Variants in PDCD6IP observed in about 807,000 individuals in gnomAD.
PDCD6IP encodes programmed cell death 6 interacting protein.
PDCD6IP carries 43 observed loss-of-function variants against 103.7 expected under a neutral mutation model. The ratio of observed to expected loss-of-function variants is 0.41; its 90% CI spans 0.32 to 0.53. PDCD6IP has a LOEUF of 0.53. Ranked by LOEUF, PDCD6IP falls within the 20% of genes least tolerant of loss-of-function variation. PDCD6IP has a pLI of 0.16. For missense variants in PDCD6IP, 871 were observed against 1,036.7 expected (o/e 0.84, Z 2.20); for synonymous variants, 354 against 378.7 (o/e 0.93, Z 0.76).
chr3:33,835,945 ATT>A, intron 7 of PDCD6IP, 97 bp from the exon 8 acceptor site: 2 of 658,582 alleles, frequency 3.0e-6, no homozygotes, highest in Non-Finnish European at 2.5e-6. Context: ...CAGATTAAAG[ATT>A]TTTTTTTTGA....
chr3:33,843,021 G>GT (rs1310057789), intron 10 of PDCD6IP, among the ~76,000 whole-genome samples: 1 of 152,114 alleles, frequency 6.6e-6, no homozygotes, highest in Non-Finnish European at 1.5e-5. Context: ...AACTTAAGAG[G>GT]TTTTTTCCTT....
At chr3:33,814,815 GTATA>G (rs1427445208) in intron 3 of PDCD6IP, among the ~76,000 whole-genome samples, 3 of 139,476 alleles carry the variant, frequency 2.2e-5, no homozygotes, top group Admixed American at 7.7e-5. Flanking sequence ...TGTATGTATA[GTATA>G]TATAATATGT....
At chr3:33,839,550 C>T (rs1697425296) in intron 9 of PDCD6IP, among the ~76,000 whole-genome samples, 1 of 152,142 alleles carries the variant, frequency 6.6e-6, no homozygotes, top group Non-Finnish European at 1.5e-5. Flanking sequence ...TGTTAATGGG[C>T]ATTTCAGTTT....
intron 7 of PDCD6IP, among the ~76,000 whole-genome samples, chr3:33,829,510 TC>T (rs1315332408): frequency 5.9e-5 from 9 of 152,102 alleles, no homozygotes; most frequent in African/African-American, 2.2e-4. Context: ...CACACATATA[TC>T]TCTTGTGAAC....
intron 1 of PDCD6IP, among the ~76,000 whole-genome samples, 170 bp from the exon 2 acceptor site, chr3:33,811,902 T>G (rs560301294): frequency 1.3e-5 from 2 of 152,354 alleles, no homozygotes; most frequent in East Asian, 3.9e-4. Flanking sequence ...AGTTTTTCAC[T>G]GCATATATTT....
chr3:33,832,269 C>T (rs921693508), intron 7 of PDCD6IP, among the ~76,000 whole-genome samples: 20 of 152,234 alleles, frequency 1.3e-4, no homozygotes, highest in African/African-American at 4.6e-4. Context: ...TCTTCTTGTA[C>T]GGGAACTAAT....
At chr3:33,815,382 C>T (rs1173512201) in intron 3 of PDCD6IP, among the ~76,000 whole-genome samples, 1 of 152,072 alleles carries the variant, frequency 6.6e-6, no homozygotes, top group Non-Finnish European at 1.5e-5. Flanking sequence ...GAAGGGACTT[C>T]ATAAATAGTC....
At position 33,866,507 on chromosome 3, in the gene PDCD6IP, TTAC is replaced by T; in HGVS notation, c.2592_2594del (p.Tyr865del). On this transcript the variant is annotated inframe_deletion, in exon 18 of 18. Transcript: ENST00000307296. ...CCTTCCCTCAGCCCCCACAGCAGTCTTACTATCCACAGCAGTAATATGTCTGCT... is the reference window on the plus strand; with the variant it reads ...CCTTCCCTCAGCCCCCACAGCAGTCTTATCCACAGCAGTAATATGTCTGCT... The T allele has an allele frequency of 1.2e-6, 2 of 1,607,188 alleles. No individual in the cohort carries two copies. Among genetic ancestry groups the T allele is most frequent in the Non-Finnish European group, 1.7e-6 (2 of 1,177,864 alleles).
chr3:33,809,059 T>C (rs925116953), intron 1 of PDCD6IP, among the ~76,000 whole-genome samples: 1 of 152,232 alleles, frequency 6.6e-6, no homozygotes, highest in Non-Finnish European at 1.5e-5. Flanking sequence ...TTAAAACTTT[T>C]TTTCATGTAG....
intron 13 of PDCD6IP, among the ~76,000 whole-genome samples, 189 bp downstream of exon 13, chr3:33,852,925 CTTTT>C (rs200568485): frequency 1.7e-5 from 2 of 119,656 alleles, no homozygotes; most frequent in Non-Finnish European, 1.8e-5. Context: ...AAAGTCACTT[CTTTT>C]TTTTTTTTTT....
At chr3:33,807,323 G>A (rs1402880115) in intron 1 of PDCD6IP, among the ~76,000 whole-genome samples, 1 of 152,208 alleles carries the variant, frequency 6.6e-6, no homozygotes, top group Admixed American at 6.5e-5. Context: ...CCACTCCAGT[G>A]GGTTAGCATT....
chr3:33,812,492 C>G (rs184795581), intron 2 of PDCD6IP, among the ~76,000 whole-genome samples: 1 of 152,158 alleles, frequency 6.6e-6, no homozygotes, highest in Admixed American at 6.5e-5. Flanking sequence ...AAAAATTATT[C>G]GCACAAGTTA....
chr3:33,813,397 T>A (rs1696761022), intron 2 of PDCD6IP, 162 bp from the exon 3 acceptor site: 1 of 500,500 alleles, frequency 2.0e-6, no homozygotes, highest in Middle Eastern at 5.3e-4. Flanking sequence ...TTTTTTAGAT[T>A]TCAATTTAAA....
chr3:33,843,981 G>A (rs1306383287), intron 10 of PDCD6IP, 131 bp from the exon 11 acceptor site: 15 of 518,538 alleles, frequency 2.9e-5, no homozygotes, highest in Non-Finnish European at 4.1e-5. Context: ...GAAAAAAGTC[G>A]ATTTATATTC....
chr3:33,847,522 TGATGACG>T (rs1365943777), intron 12 of PDCD6IP, among the ~76,000 whole-genome samples: 2 of 152,176 alleles, frequency 1.3e-5, no homozygotes, highest in African/African-American at 4.8e-5. Flanking sequence ...TTATAATAGT[TGATGACG>T]GATTTTAGCC....
chr3:33,799,847 G>A (rs1329941736), intron 1 of PDCD6IP, among the ~76,000 whole-genome samples: 3 of 152,066 alleles, frequency 2.0e-5, no homozygotes, highest in African/African-American at 7.2e-5. Context: ...TCTGCCGGGC[G>A]CGGTGGCTCA....
At chr3:33,828,774 C>T in intron 6 of PDCD6IP, 79 bp from the exon 7 acceptor site, 1 of 1,534,832 alleles carries the variant, frequency 6.5e-7, no homozygotes, top group South Asian at 1.2e-5. Flanking sequence ...TCTTCTTTTC[C>T]TTTTTCTTCC....
chr3:33,830,532 T>C (rs547288380), intron 7 of PDCD6IP, among the ~76,000 whole-genome samples: 3 of 152,296 alleles, frequency 2.0e-5, no homozygotes, highest in South Asian at 2.1e-4. Flanking sequence ...TCCTCAGTTA[T>C]AGACACATAG....
intron 17 of PDCD6IP, 87 bp from the exon 18 acceptor site, chr3:33,866,264 C>T: frequency 1.1e-6 from 1 of 872,562 alleles, no homozygotes; most frequent in Non-Finnish European, 1.7e-6. Flanking sequence ...AAATGACTTT[C>T]ATGAAAAACG....
Sources: allele counts gnomAD v4.1 joint callset (sites outside exome capture counted in the v4.1 genomes callset), GRCh38; gene constraint gnomAD v4.1.1; transcripts MANE v1.5; gene names NCBI Gene and HGNC (gene_info 2026-07-23, HGNC 2026-07-21).